Variants in CNTNAP2 observed in about 807,000 individuals in gnomAD.
CNTNAP2 encodes the protein contactin-associated protein-like 2.
CNTNAP2 carries 98 observed loss-of-function variants against 155.2 expected under a neutral mutation model. The observed-to-expected ratio is 0.63, with a 90% confidence interval of 0.54 to 0.75. CNTNAP2 has a LOEUF of 0.75. Among genes scored for constraint, CNTNAP2 ranks in the 30% least tolerant of loss-of-function variants. CNTNAP2 has a pLI of 0.00. For missense variants in CNTNAP2, 1,727 were observed against 1,688.1 expected, an observed-to-expected ratio of 1.02 and a Z score of -0.40; for synonymous variants, 651 against 631.2, an observed-to-expected ratio of 1.03 and a Z score of -0.47.
At chr7:148,025,710 A>G (rs1304256455) in intron 15 of CNTNAP2, among the ~76,000 whole-genome samples, 1 of 152,212 alleles carries the variant, frequency 6.6e-6, no homozygotes, top group Non-Finnish European at 1.5e-5. Context: ...ACTTGCAATA[A>G]CATAATACTT....
intron 9 of CNTNAP2, among the ~76,000 whole-genome samples, chr7:147,384,614 A>G (rs1355371822): frequency 6.6e-6 from 1 of 152,200 alleles, no homozygotes; most frequent in Non-Finnish European, 1.5e-5. Flanking sequence ...CCTGAAAATT[A>G]TCAGACACTA....
At chr7:147,467,397 A>G (rs10257401) in intron 10 of CNTNAP2, among the ~76,000 whole-genome samples, 118,708 of 152,178 alleles carry the variant, frequency 0.78, 46,658 homozygotes, top group African/African-American at 0.87. Context: ...CATTTCATCA[A>G]TTATTCTCAT....
intron 18 of CNTNAP2, among the ~76,000 whole-genome samples, chr7:148,183,063 G>C (rs1382496410): frequency 6.6e-6 from 1 of 152,228 alleles, no homozygotes; most frequent in Non-Finnish European, 1.5e-5. Context: ...CACAAGTTTA[G>C]TGAAATACGG....
intron 14 of CNTNAP2, among the ~76,000 whole-genome samples, chr7:147,959,994 T>A (rs944644500): frequency 2.0e-5 from 3 of 152,136 alleles, no homozygotes; most frequent in Non-Finnish European, 4.4e-5. Flanking sequence ...AACATTATCC[T>A]TGGAATAAGC....
intron 19 of CNTNAP2, among the ~76,000 whole-genome samples, chr7:148,220,391 C>T (rs1023785106): frequency 1.3e-5 from 2 of 152,108 alleles, no homozygotes; most frequent in East Asian, 1.9e-4. Flanking sequence ...CGTGAGCCAT[C>T]GTGCCTGGCC....
intron 21 of CNTNAP2, among the ~76,000 whole-genome samples, chr7:148,281,968 G>A (rs1796981629): frequency 6.6e-6 from 1 of 150,772 alleles, no homozygotes; most frequent in Non-Finnish European, 1.5e-5. Flanking sequence ...GAGACTACAG[G>A]CTCACACCAC....
chr7:147,431,372 T>A (rs2116529141), intron 10 of CNTNAP2, among the ~76,000 whole-genome samples: 1 of 152,286 alleles, frequency 6.6e-6, no homozygotes, highest in East Asian at 1.9e-4. Context: ...TCTGAGAAAC[T>A]TTAAACTATA....
chr7:146,817,718 C>T (rs1803201142), intron 2 of CNTNAP2, among the ~76,000 whole-genome samples: 1 of 152,010 alleles, frequency 6.6e-6, no homozygotes, highest in East Asian at 1.9e-4. Flanking sequence ...CTCGTGAGAA[C>T]TCCCTCATCA....
At chr7:147,296,616 A>T (rs937647963) in intron 8 of CNTNAP2, among the ~76,000 whole-genome samples, 6 of 152,224 alleles carry the variant, frequency 3.9e-5, no homozygotes, top group African/African-American at 1.4e-4. Context: ...TTGGACTTAA[A>T]TCATGCCTTT....
chr7:148,174,367 T>G (rs1794893330), intron 18 of CNTNAP2, among the ~76,000 whole-genome samples: 1 of 152,102 alleles, frequency 6.6e-6, no homozygotes, highest in South Asian at 2.1e-4. Context: ...CTGTCTCTGC[T>G]CTGGACCTCA....
At chr7:147,677,078 T>C (rs1028608007) in intron 13 of CNTNAP2, among the ~76,000 whole-genome samples, 10 of 151,816 alleles carry the variant, frequency 6.6e-5, no homozygotes. Flanking sequence ...TAATTTTTTT[T>C]TTTTTGAGGA....
intron 14 of CNTNAP2, among the ~76,000 whole-genome samples, chr7:147,951,402 G>C (rs1164225663): frequency 6.6e-6 from 1 of 152,168 alleles, no homozygotes; most frequent in Non-Finnish European, 1.5e-5. Context: ...AGGCTTTATA[G>C]TGGAGAGAGA....
chr7:147,900,211 G>A (rs6972811), intron 13 of CNTNAP2, among the ~76,000 whole-genome samples: 45,873 of 151,762 alleles, frequency 0.3, 7,059 homozygotes, highest in Middle Eastern at 0.43. Flanking sequence ...TCCATCTCTG[G>A]TACGGTTTGG....
In CNTNAP2 at chr7:148,383,834, C is replaced by G. The variant is rs765217559; in HGVS notation, c.3661C>G (p.Leu1221Val). The G allele has an allele frequency of 3.5e-5, 57 of 1,613,976 alleles. No homozygotes were observed. The highest frequency in any genetic ancestry group is 4.7e-5 in the Non-Finnish European group (56 of 1,180,042). Residue 1221 changes from leucine to valine, a missense_variant, in exon 22 of 24, where the codon CTC becomes GTC. Leu to Val is a conservative substitution (Grantham distance 32, BLOSUM62 1). Coordinates refer to ENST00000361727, the MANE Select transcript of CNTNAP2 (RefSeq NM_014141.6). ...CAACTGCGGGGCCTCGCCGCTGACC[C>G]TCTCCCCCATGTCGTCCGCCACCGA... ...ESNCGASPLT[L>V]SPMSSATDPW...
chr7:148,331,951 C>T (rs1270258687), intron 21 of CNTNAP2, among the ~76,000 whole-genome samples: 1 of 152,136 alleles, frequency 6.6e-6, no homozygotes, highest in Non-Finnish European at 1.5e-5. Flanking sequence ...GAGCACCTTT[C>T]ACCATTTTGA....
intron 1 of CNTNAP2, among the ~76,000 whole-genome samples, chr7:146,729,013 A>C (rs966057599): frequency 2.0e-5 from 3 of 152,248 alleles, no homozygotes; most frequent in Non-Finnish European, 4.4e-5. Context: ...GTTGAATACC[A>C]TTCATTTCAA....
chr7:146,587,737 A>T (rs976112182), intron 1 of CNTNAP2, among the ~76,000 whole-genome samples: 1 of 151,866 alleles, frequency 6.6e-6, no homozygotes, highest in Non-Finnish European at 1.5e-5. Context: ...CAATGTCATG[A>T]TCTCAGCTCA....
At chr7:147,167,982 G>T (rs959620860) in intron 8 of CNTNAP2, among the ~76,000 whole-genome samples, 4 of 148,870 alleles carry the variant, frequency 2.7e-5, no homozygotes, top group Non-Finnish European at 1.5e-5. Flanking sequence ...TATGTATATA[G>T]TATATGTATA....
intron 1 of CNTNAP2, among the ~76,000 whole-genome samples, chr7:146,650,187 A>G (rs922181806): frequency 6.6e-6 from 1 of 152,172 alleles, no homozygotes; most frequent in African/African-American, 2.4e-5. Flanking sequence ...CAGCAATCCC[A>G]TTACTGGGTA....
Sources: allele counts gnomAD v4.1 joint callset (sites outside exome capture counted in the v4.1 genomes callset), GRCh38; gene constraint gnomAD v4.1.1; transcripts MANE v1.5; gene names NCBI Gene and HGNC (gene_info 2026-07-23, HGNC 2026-07-21).